ZFHX3: variants seen among roughly 807,000 people sequenced by gnomAD.
ZFHX3 encodes zinc finger homeobox protein 3.
In ZFHX3, 42 loss-of-function variants were observed where a neutral mutation model predicts 279.1. The observed-to-expected ratio is 0.15, with a 90% confidence interval of 0.12 to 0.19. The LOEUF (loss-of-function observed/expected upper bound fraction) is 0.19, where lower values mean the gene tolerates loss of function less well. Ranked by LOEUF, ZFHX3 falls within the 10% of genes least tolerant of loss-of-function variation. ZFHX3 has a pLI of 1.00. For missense variants in ZFHX3, 4,981 were observed against 4,754.0 expected (o/e 1.05, Z -1.40); for synonymous variants, 2,293 against 1,957.8 (o/e 1.17, Z -4.52).
At chr16:73,388,224 GT>G (rs2016940264) in intron 3 of ZFHX3, among the ~76,000 whole-genome samples, 1 of 152,156 alleles carries the variant, frequency 6.6e-6, no homozygotes. Context: ...GCTTGAGGAA[GT>G]GTCTATGTGT....
At chr16:72,992,599 G>A (rs1053451705) in intron 1 of ZFHX3, among the ~76,000 whole-genome samples, 3 of 152,182 alleles carry the variant, frequency 2.0e-5, no homozygotes. Context: ...CAAAAGAGGG[G>A]ACTCAGCCAC....
chr16:73,513,285 AG>A (rs2019464146), intron 2 of ZFHX3, among the ~76,000 whole-genome samples: 1 of 152,172 alleles, frequency 6.6e-6, no homozygotes, highest in Non-Finnish European at 1.5e-5. Context: ...AGAGCCCTTG[AG>A]TCATAAAGTT....
intron 2 of ZFHX3, among the ~76,000 whole-genome samples, chr16:73,464,096 C>T (rs894809342): frequency 9.9e-5 from 15 of 151,910 alleles, no homozygotes; most frequent in African/African-American, 3.6e-4. Context: ...TCCTAAGTGC[C>T]TTTGCTTAGT....
intron 2 of ZFHX3, among the ~76,000 whole-genome samples, chr16:73,490,708 C>T (rs1158203667): frequency 1.3e-5 from 2 of 152,050 alleles, no homozygotes; most frequent in Non-Finnish European, 2.9e-5. Flanking sequence ...CGTGGTGGCA[C>T]GTGCTATAGT....
intron 1 of ZFHX3, among the ~76,000 whole-genome samples, chr16:73,733,731 T>A (rs1343835180): frequency 6.6e-6 from 1 of 152,166 alleles, no homozygotes; most frequent in East Asian, 1.9e-4. Flanking sequence ...AAGCTTTAAT[T>A]AAGTCCTCAA....
chr16:73,768,742 C>G (rs2053982906), intron 1 of ZFHX3, among the ~76,000 whole-genome samples: 1 of 152,172 alleles, frequency 6.6e-6, no homozygotes, highest in South Asian at 2.1e-4. Flanking sequence ...ACCAACTACT[C>G]TTTCATTCCA....
chr16:73,661,652 G>A (rs1445695304), intron 2 of ZFHX3, among the ~76,000 whole-genome samples: 1 of 151,106 alleles, frequency 6.6e-6, no homozygotes, highest in East Asian at 1.9e-4. Context: ...AACCCGGGAG[G>A]TGAAGGTTGC....
chr16:72,951,792 T>C (rs528543798), intron 2 of ZFHX3, among the ~76,000 whole-genome samples: 8 of 152,326 alleles, frequency 5.3e-5, no homozygotes, highest in African/African-American at 9.6e-5. Flanking sequence ...GAACAATCTA[T>C]GGCTGTGTCA....
chr16:72,986,643 C>T (rs888051599), intron 1 of ZFHX3, among the ~76,000 whole-genome samples: 1 of 152,128 alleles, frequency 6.6e-6, no homozygotes, highest in South Asian at 2.1e-4. Context: ...TTATCGGCAC[C>T]GTCTCCAATG....
At chr16:73,439,067 G>A (rs1279498823) in intron 3 of ZFHX3, among the ~76,000 whole-genome samples, 1 of 152,196 alleles carries the variant, frequency 6.6e-6, no homozygotes, top group African/African-American at 2.4e-5. Context: ...AACCTGGGGG[G>A]TTTTTGCCTT....
rs540637486 is a variant in ZFHX3, at chr16:73,313,084, T to A, written c.-1194+5156A>T. 2.6e-5 allele frequency among the ~76,000 whole-genome samples: 4 copies of A among 152,270 alleles called. No individual in the cohort carries two copies. The South Asian group carries it at 8.3e-4, about 32-fold the overall frequency. On this transcript the variant is annotated intron_variant, in intron 4 of 17. Coordinates refer to the ZFHX3 transcript ENST00000641206. ...ATGGGGGCAGATTTCCCCCTTGCTG[T>A]TCTCATGATAGCGAGTTGTCCCGAG...
In ZFHX3 at chr16:73,250,037, A is replaced by G. The variant is rs186234057; in HGVS notation, c.-1104+7010T>C. Among the ~76,000 whole-genome samples the G allele has an allele frequency of 3.9e-3, 595 of 152,328 alleles. 3 individuals carry two copies. Among genetic ancestry groups the G allele is most frequent in the African/African-American group, 0.014 (574 of 41,568 alleles). On this transcript the variant is annotated intron_variant, in intron 5 of 17. Transcript: ENST00000641206. ...GTTGGCTCATACTTCAGTGTTGTCT[A>G]TGTAATGCAGAAGGTACTTTTCAAA...
intron 1 of ZFHX3, among the ~76,000 whole-genome samples, chr16:73,880,576 G>T (rs550113139): frequency 6.6e-6 from 1 of 152,284 alleles, no homozygotes; most frequent in Non-Finnish European, 1.5e-5. Context: ...GGCTAGTGAA[G>T]TTAAAATTGT....
chr16:73,486,918 T>C (rs2018985276), intron 2 of ZFHX3: 1 of 453,838 alleles, frequency 2.2e-6, no homozygotes, highest in Non-Finnish European at 4.4e-6. Flanking sequence ...GCAAATTCTT[T>C]CCACTGTAAG....
At position 73,363,310 on chromosome 16, in the gene ZFHX3, G is replaced by T. The variant is rs190229206; in HGVS notation, c.-1290-44974C>A. ...GTTGTTTCAAAATAGAGAGTTTTGGGGTGGTTTGTTATGCACCAAAAGCTA... is the reference window on the plus strand; with the variant it reads ...GTTGTTTCAAAATAGAGAGTTTTGGTGTGGTTTGTTATGCACCAAAAGCTA... On this transcript the variant is annotated intron_variant, in intron 3 of 17. Transcript: ENST00000641206. Among the ~76,000 whole-genome samples the T allele has an allele frequency of 2.8e-3, 427 of 152,314 alleles. 1 individual carries two copies. The highest frequency in any genetic ancestry group is 4.4e-3 in the Non-Finnish European group (300 of 68,024).
At chr16:73,347,280 A>G (rs1450784724) in intron 3 of ZFHX3, among the ~76,000 whole-genome samples, 1 of 152,198 alleles carries the variant, frequency 6.6e-6, no homozygotes, top group Non-Finnish European at 1.5e-5. Context: ...CTCAGCCCGG[A>G]GGGAATTGCT....
intron 1 of ZFHX3, among the ~76,000 whole-genome samples, chr16:73,713,953 G>A (rs1367063076): frequency 6.6e-6 from 1 of 152,106 alleles, no homozygotes; most frequent in African/African-American, 2.4e-5. Context: ...CGCATCAGAA[G>A]AATAAGTACA....
At position 72,941,000 on chromosome 16, in the gene ZFHX3, T is replaced by C. The variant is rs576726075; in HGVS notation, c.3216+9469A>G. ...CCACGCACTGTGAGCAATGCTCACG[T>C]GCTGTGAATTTTCATGGTCTACATA... is the stretch of plus-strand genomic sequence containing the variant. On this transcript the variant is annotated intron_variant, in intron 3 of 9. Coordinates refer to ENST00000268489, the MANE Select transcript of ZFHX3 (RefSeq NM_006885.4). 9.2e-5 allele frequency among the ~76,000 whole-genome samples: 14 copies of C among 152,322 alleles called. No individual in the cohort carries two copies. The South Asian group carries it at 2.9e-3, about 32-fold the overall frequency.
chr16:73,587,833 C>G (rs2051943487), intron 2 of ZFHX3, among the ~76,000 whole-genome samples: 1 of 152,100 alleles, frequency 6.6e-6, no homozygotes, highest in Non-Finnish European at 1.5e-5. Context: ...TTTAAATAAA[C>G]AAAACATCCT....
Sources: allele counts gnomAD v4.1 joint callset (sites outside exome capture counted in the v4.1 genomes callset), GRCh38; gene constraint gnomAD v4.1.1; transcripts MANE v1.5; gene names NCBI Gene and HGNC (gene_info 2026-07-23, HGNC 2026-07-21).